The following CEMIP variants were observed in gnomAD, a reference collection of about 807,000 sequenced individuals.
CEMIP encodes the protein cell migration-inducing and hyaluronan-binding protein.
A neutral mutation model predicts 156.9 loss-of-function variants in CEMIP; 105 were observed. The ratio of observed to expected loss-of-function variants is 0.67; its 90% CI spans 0.57 to 0.79. The LOEUF (loss-of-function observed/expected upper bound fraction) is 0.79. Among genes scored for constraint, CEMIP ranks in the 30% least tolerant of loss-of-function variants. CEMIP has a pLI of 0.00. For missense variants in CEMIP, 1,457 were observed against 1,769.4 expected, an observed-to-expected ratio of 0.82 and a Z score of 3.17; for synonymous variants, 676 against 668.4, an observed-to-expected ratio of 1.01 and a Z score of -0.17.
chr15:80,880,810 A>C, intron 5 of CEMIP, 90 bp from the exon 6 acceptor site: 2 of 1,022,000 alleles, frequency 2.0e-6, no homozygotes, highest in South Asian at 2.5e-5. Flanking sequence ...GGGGTCAGGG[A>C]GCTGAGCTGT....
Position 80,864,895 on chromosome 15 carries a change from C to CA in CEMIP, c.-175-8642dup, listed in dbSNP as rs1898084535. 2.0e-5 allele frequency among the ~76,000 whole-genome samples: 3 copies of CA among 152,278 alleles called. No homozygotes were observed. The South Asian group carries it at 6.2e-4, about 32-fold the overall frequency. On this transcript the variant is annotated intron_variant, in intron 1 of 29. Coordinates refer to ENST00000394685, the MANE Select transcript of CEMIP (RefSeq NM_001293298.2). ...CTCAGATTTTTCTGAGTCACTTGGTCAGTAGGTCTGGAGTGGGACTGAGAA... is the reference window on the plus strand; with the variant it reads ...CTCAGATTTTTCTGAGTCACTTGGTCAAGTAGGTCTGGAGTGGGACTGAGAA...
chr15:80,854,620 T>C (rs554404494), intron 1 of CEMIP, among the ~76,000 whole-genome samples: 25 of 152,240 alleles, frequency 1.6e-4, no homozygotes, highest in South Asian at 2.1e-4. Flanking sequence ...TGTAAGAGAG[T>C]TAACTGCAAA....
chr15:80,901,682 A>G lies in CEMIP; in HGVS notation c.1412-4981A>G, dbSNP rs1899561902. Among the ~76,000 whole-genome samples the G allele has an allele frequency of 5.4e-5, 8 of 148,788 alleles. No homozygotes were observed. In the South Asian group the frequency reaches 1.7e-3, roughly 32 times the overall value. ...GCACCATTGCACTCCAGCCTGGGGG[A>G]CAAGAGTGAGACTTTGTCTCAAAAA... is the stretch of plus-strand genomic sequence containing the variant. On this transcript the variant is annotated intron_variant, in intron 12 of 29. Coordinates refer to ENST00000394685, the MANE Select transcript of CEMIP (RefSeq NM_001293298.2).
chr15:80,813,247 T>G (rs1896710929), intron 1 of CEMIP, among the ~76,000 whole-genome samples: 1 of 152,128 alleles, frequency 6.6e-6, no homozygotes, highest in Non-Finnish European at 1.5e-5. Flanking sequence ...AATGAGTTCA[T>G]GCAGATGTAC....
intron 16 of CEMIP, 131 bp downstream of exon 16, chr15:80,921,232 T>C: frequency 1.1e-6 from 1 of 883,306 alleles, no homozygotes; most frequent in South Asian, 1.4e-5. Flanking sequence ...CGGGCTTAGC[T>C]GTGGTGAAGA....
rs186475751 is a variant in CEMIP, at chr15:80,835,406, C to G, written c.-175-38132C>G. ...ATGGGCCACCAATGCCTAACCAGGC[C>G]CAAGACAGGGTAGGAGCTCAATCAG... is the stretch of plus-strand genomic sequence containing the variant. On this transcript the variant is annotated intron_variant, in intron 1 of 29. Coordinates refer to ENST00000394685, the MANE Select transcript of CEMIP (RefSeq NM_001293298.2). 2.5e-3 allele frequency among the ~76,000 whole-genome samples: 374 copies of G among 152,316 alleles called. 1 individual carries two copies. The highest frequency in any genetic ancestry group is 5.0e-3 in the Admixed American group (77 of 15,306).
chr15:80,834,184 T>A (rs1897220134), intron 1 of CEMIP, among the ~76,000 whole-genome samples: 1 of 152,214 alleles, frequency 6.6e-6, no homozygotes, highest in Non-Finnish European at 1.5e-5. Flanking sequence ...TGAAAGCCAC[T>A]GATTTCTCTA....
chr15:80,909,366 G>T, intron 14 of CEMIP, 60 bp downstream of exon 14: 1 of 1,544,528 alleles, frequency 6.5e-7, no homozygotes, highest in South Asian at 1.1e-5. Context: ...TAGCACTGGA[G>T]GGGTGTTTGG....
intron 1 of CEMIP, among the ~76,000 whole-genome samples, chr15:80,864,742 C>T (rs1436074741): frequency 6.6e-6 from 1 of 152,218 alleles, no homozygotes; most frequent in African/African-American, 2.4e-5. Flanking sequence ...AGGAGGTTGA[C>T]ACTTAACTGA....
chr15:80,880,367 C>T (rs151185859), intron 5 of CEMIP, among the ~76,000 whole-genome samples: 12 of 152,272 alleles, frequency 7.9e-5, no homozygotes, highest in African/African-American at 2.4e-4. Context: ...ATAATTGGCA[C>T]GTCTGCTTGG....
chr15:80,896,239 T>G (rs1258206748), intron 12 of CEMIP, 179 bp downstream of exon 12: 1 of 736,014 alleles, frequency 1.4e-6, no homozygotes, highest in Non-Finnish European at 2.4e-6. Flanking sequence ...ATCTGCAGGT[T>G]GTCTAGGGAT....
chr15:80,816,211 A>T (rs1896784761), intron 1 of CEMIP, among the ~76,000 whole-genome samples: 1 of 152,210 alleles, frequency 6.6e-6, no homozygotes, highest in Non-Finnish European at 1.5e-5. Flanking sequence ...AAACTTTCCC[A>T]TCTCAGCAGG....
intron 1 of CEMIP, among the ~76,000 whole-genome samples, chr15:80,781,369 A>G (rs1370886265): frequency 6.6e-6 from 1 of 152,230 alleles, no homozygotes; most frequent in Non-Finnish European, 1.5e-5. Context: ...TTCAAAGCCC[A>G]TGACTTTCTT....
chr15:80,824,522 G>T (rs1896985316), intron 1 of CEMIP, among the ~76,000 whole-genome samples: 1 of 152,082 alleles, frequency 6.6e-6, no homozygotes, highest in Admixed American at 6.5e-5. Flanking sequence ...CTCTGCTCCA[G>T]ACCCGCAGCC....
intron 1 of CEMIP, among the ~76,000 whole-genome samples, chr15:80,815,875 A>G (rs1262973608): frequency 1.3e-5 from 2 of 152,216 alleles, no homozygotes; most frequent in Non-Finnish European, 2.9e-5. Context: ...AATCTTTGCC[A>G]TACAGCTCGG....
At chr15:80,824,086 T>C (rs1041286625) in intron 1 of CEMIP, among the ~76,000 whole-genome samples, 2 of 152,216 alleles carry the variant, frequency 1.3e-5, no homozygotes, top group African/African-American at 2.4e-5. Context: ...TTCTTTAGCC[T>C]GGGACAGCAA....
At chr15:80,868,407 G>C (rs78550735) in intron 1 of CEMIP, among the ~76,000 whole-genome samples, 1 of 152,086 alleles carries the variant, frequency 6.6e-6, no homozygotes, top group Non-Finnish European at 1.5e-5. Flanking sequence ...AGACCACCTG[G>C]GTTCAAATCC....
intron 28 of CEMIP, among the ~76,000 whole-genome samples, chr15:80,943,577 T>G (rs1257021978): frequency 1.3e-5 from 2 of 152,244 alleles, no homozygotes; most frequent in Admixed American, 1.3e-4. Context: ...CCACTCATCC[T>G]ACTTCTTCAG....
chr15:80,937,889 A>C lies in CEMIP; in HGVS notation c.3317A>C (p.Lys1106Thr). 1.2e-6 allele frequency: 2 copies of C among 1,614,214 alleles called. No homozygotes were observed. Among genetic ancestry groups the C allele is most frequent in the Non-Finnish European group, 1.7e-6 (2 of 1,180,028 alleles). Residue 1106 changes from lysine (K) to threonine (T), a missense_variant, in exon 25 of 30, where the codon AAG (lysine) becomes ACG (threonine). By Grantham distance (78) the Lys-to-Thr change is moderately conservative. Coordinates refer to ENST00000394685, the MANE Select transcript of CEMIP (RefSeq NM_001293298.2). Reference sequence around the variant, plus strand: ...AATCGCCTGCTGAAGCAAACGTCCAAGACGGGCGTCTTCGTGAGGACCTTG... The same window carrying C: ...AATCGCCTGCTGAAGCAAACGTCCACGACGGGCGTCTTCGTGAGGACCTTG... ...VHNRLLKQTS[K>T]TGVFVRTLQM...
Sources: allele counts gnomAD v4.1 joint callset (sites outside exome capture counted in the v4.1 genomes callset), GRCh38; gene constraint gnomAD v4.1.1; transcripts MANE v1.5; gene names NCBI Gene and HGNC (gene_info 2026-07-23, HGNC 2026-07-21).